Variants in ZNF585B observed in about 807,000 individuals in gnomAD.
The protein encoded by ZNF585B is zinc finger protein 585B.
ZNF585B carries 7 observed loss-of-function variants against 14.0 expected under a neutral mutation model. The ratio of observed to expected loss-of-function variants is 0.50; its 90% CI spans 0.28 to 0.94. The LOEUF is 0.94. Ranked by LOEUF, ZNF585B falls within the 40% of genes least tolerant of loss-of-function variation. ZNF585B has a pLI of 0.09. For synonymous variants in ZNF585B, 290 were observed against 317.3 expected, an observed-to-expected ratio of 0.91 and a Z score of 0.91; for missense variants, 750 against 924.4, an observed-to-expected ratio of 0.81 and a Z score of 2.45.
rs769867216 is a variant in ZNF585B, at chr19:37,186,163, T to C, written c.1374A>G (p.Arg458=). 5.6e-6 allele frequency: 9 copies of C among 1,614,102 alleles called. No homozygotes were observed. Among genetic ancestry groups the C allele is most frequent in the Non-Finnish European group, 7.6e-6 (9 of 1,180,048 alleles). Reference sequence around the variant, plus strand: ...CATAGGGCTTTTCTCCTGTGTGAATTCGTTTATGAACATGGAGTTGTGACT... The same window carrying C: ...CATAGGGCTTTTCTCCTGTGTGAATCCGTTTATGAACATGGAGTTGTGACT... ...TSKSQLHVHK[R]IHTGEKPYVC... is the part of the protein sequence containing the mutation. The change falls in exon 5 of 5, where the codon CGA becomes CGG. Residue 458 remains arginine (R), a synonymous_variant. Coordinates refer to ENST00000532828, the MANE Select transcript of ZNF585B (RefSeq NM_152279.4).
rs758995447 is a variant in ZNF585B at position 37,187,247 on chromosome 19, G to A, written c.293-3C>T. 1 of 1,589,864 alleles carries A rather than the reference G, an allele frequency of 6.3e-7. No homozygotes were observed. The highest frequency in any genetic ancestry group is 8.6e-7 in the Non-Finnish European group (1 of 1,167,190). On this transcript the variant is annotated splice_region_variant and splice_polypyrimidine_tract_variant and intron_variant, in intron 4 of 4. Coordinates refer to ENST00000532828, the MANE Select transcript of ZNF585B (RefSeq NM_152279.4). ...ATTATGGTCCCATAATTTCTCTCCT[G>A]TTGGAGTACATTCACAGTAAGTATA...
intron 2 of ZNF585B, among the ~76,000 whole-genome samples, chr19:37,204,936 C>T (rs1156432066): frequency 1.3e-4 from 20 of 151,958 alleles, no homozygotes; most frequent in African/African-American, 4.3e-4. Flanking sequence ...TTAGTAGAGA[C>T]GGGGCGTCAC....
Position 37,184,448 on chromosome 19 carries a change from GAAAGAAA to G in ZNF585B, c.*772_*778del. On this transcript the variant is annotated 3_prime_UTR_variant, in exon 5 of 5. Coordinates refer to ENST00000532828, the MANE Select transcript of ZNF585B (RefSeq NM_152279.4). Reference sequence around the variant, plus strand: ...AAAGAAAAAGAAAGAAAGAAGGAAAGAAAGAAAGAAAGAAAGAAAGAAAGAAAGAAAG... The same window carrying G: ...AAAGAAAAAGAAAGAAAGAAGGAAAGGAAAGAAAGAAAGAAAGAAAGAAAG... 2.0e-5 allele frequency: 1 copy of G among 50,300 alleles called. No homozygotes were observed. The highest frequency in any genetic ancestry group is 7.4e-5 in the African/African-American group (1 of 13,596). 3.1% of individuals were successfully genotyped at this position (50,300 alleles called of 1,614,324 possible).
At chr19:37,198,692 C>T (rs540670696) in intron 2 of ZNF585B, among the ~76,000 whole-genome samples, 8 of 148,904 alleles carry the variant, frequency 5.4e-5, no homozygotes, top group Non-Finnish European at 8.9e-5. Flanking sequence ...GCCGAGATTG[C>T]GCCATTGCAC....
intron 2 of ZNF585B, 116 bp from the exon 3 acceptor site, chr19:37,190,266 G>A: frequency 7.0e-7 from 1 of 1,422,520 alleles, no homozygotes; most frequent in African/African-American, 1.4e-5. Context: ...TTTTTTTTTT[G>A]AGACAGTCTT....
In ZNF585B at chr19:37,207,228, A is replaced by G; in HGVS notation, c.-117T>C. ...TGGAGTCTGGAGGAAGGTCTGGCCC[A>G]GGGACTCCCCAGAGACACCCAAGAA... On this transcript the variant is annotated 5_prime_UTR_variant, in exon 2 of 5. Transcript: ENST00000532828. 2.0e-6 allele frequency: 3 copies of G among 1,536,102 alleles called. No homozygotes were observed. Among genetic ancestry groups the G allele is most frequent in the Non-Finnish European group, 2.6e-6 (3 of 1,144,638 alleles).
chr19:37,199,797 G>C (rs952749996), intron 2 of ZNF585B, among the ~76,000 whole-genome samples: 9 of 152,060 alleles, frequency 5.9e-5, no homozygotes, highest in Non-Finnish European at 1.5e-5. Flanking sequence ...TGTAATCCCA[G>C]CACTTTGGGA....
chr19:37,189,670 T>C lies in ZNF585B; in HGVS notation c.283A>G (p.Ser95Gly). Residue 95 changes from serine (S) to glycine (G), a missense_variant, in exon 4 of 5, where the codon AGC becomes GGC. By Grantham distance (56) the Ser-to-Gly change is moderately conservative (BLOSUM62 0). Around this residue, in one of 2 missense-constraint regions of ZNF585B, gnomAD observed 517 missense variants for 570.3 expected, o/e 0.91. Transcript: ENST00000532828. ...ACCTCACTTCACTCACCTGGGCAGC[T>C]GTGACGTGGCCTCTCACCCTGCAGT... ...WALQGERPRH[S>G]CPGEKLWDHN... 2.5e-6 allele frequency: 4 copies of C among 1,613,106 alleles called. No individual in the cohort carries two copies. The highest frequency in any genetic ancestry group is 3.4e-6 in the Non-Finnish European group (4 of 1,180,010).
intron 2 of ZNF585B, among the ~76,000 whole-genome samples, chr19:37,191,616 TAA>T (rs765780103): frequency 6.0e-5 from 8 of 133,832 alleles, no homozygotes; most frequent in Admixed American, 7.6e-5. Context: ...AGACTCTGTC[TAA>T]AAAAAAAAAA....
At chr19:37,191,326 T>G (rs1972397525) in intron 2 of ZNF585B, among the ~76,000 whole-genome samples, 1 of 152,042 alleles carries the variant, frequency 6.6e-6, no homozygotes. Flanking sequence ...CAAGCAAGAA[T>G]GTCAGAGGGG....
Position 37,186,356 on chromosome 19 carries a change from T to A in ZNF585B, c.1181A>T (p.Lys394Met). Residue 394 changes from lysine (K) to methionine (M), a missense_variant, in exon 5 of 5, where the codon AAG becomes ATG. Lys to Met is a moderately conservative substitution (Grantham distance 95). This residue lies in a region of ZNF585B where 517 missense variants were observed against 570.3 expected (regional missense o/e 0.91). Transcript: ENST00000532828. ...TCTCTGATGCACTGTGAGTGCTGACTTCTGAGTGAAGGCTCTCCCACAGTC... is the reference window on the plus strand; with the variant it reads ...TCTCTGATGCACTGTGAGTGCTGACATCTGAGTGAAGGCTCTCCCACAGTC... ...CSDCGRAFTQ[K>M]SALTVHQRIH... The A allele has an allele frequency of 2.5e-6, 4 of 1,614,160 alleles. No homozygotes were observed. The highest frequency in any genetic ancestry group is 3.4e-6 in the Non-Finnish European group (4 of 1,180,022).
At position 37,207,158 on chromosome 19, in the gene ZNF585B, A is replaced by C. The variant is rs200244262; in HGVS notation, c.-47T>G. On this transcript the variant is annotated 5_prime_UTR_variant, in exon 2 of 5. Transcript: ENST00000532828. ...TTTTTGTCTAGGGTGCCTGAAGTTTAGTGGTCATCTGTGAACTCAGCAGAG... is the reference window on the plus strand; with the variant it reads ...TTTTTGTCTAGGGTGCCTGAAGTTTCGTGGTCATCTGTGAACTCAGCAGAG... 8.1e-6 allele frequency: 13 copies of C among 1,612,654 alleles called. No individual in the cohort carries two copies. In the Admixed American group the frequency reaches 2.2e-4, roughly 27 times the overall value.
chr19:37,186,197 A>G lies in ZNF585B; in HGVS notation c.1340T>C (p.Phe447Ser), dbSNP rs1457236781. The change falls in exon 5 of 5, where the codon TTT (phenylalanine) becomes TCT (serine). Residue 447 changes from phenylalanine (F) to serine (S), a missense_variant. Coordinates refer to ENST00000532828, the MANE Select transcript of ZNF585B (RefSeq NM_152279.4). Reference protein sequence around the residue: ...PYKCGHCGKLFTSKSQLHVHK... With the variant: ...PYKCGHCGKLSTSKSQLHVHK... ...AACATGGAGTTGTGACTTGGAAGTA[A>G]ACAATTTCCCACAGTGACCACATTT... The G allele has an allele frequency of 6.2e-7, 1 of 1,614,178 alleles. No individual in the cohort carries two copies. The highest frequency in any genetic ancestry group is 1.7e-5 in the Admixed American group (1 of 60,026).
At chr19:37,189,937 A>G (rs1377175994) in intron 3 of ZNF585B, 87 bp downstream of exon 3, 4 of 1,585,398 alleles carry the variant, frequency 2.5e-6, no homozygotes, top group South Asian at 2.3e-5. Context: ...ACCATCACCT[A>G]TCTAAGATGC....
rs1333415476 is a variant in ZNF585B at position 37,184,462 on chromosome 19, A to AAG, written c.*763_*764dup. The AAG allele has an allele frequency of 8.7e-6, 1 of 114,610 alleles. No homozygotes were observed. Among genetic ancestry groups the AAG allele is most frequent in the Admixed American group, 9.3e-5 (1 of 10,702 alleles). The allele number at this position is 114,610 out of a possible 1,614,324, so 7.1% of individuals were successfully genotyped here. A position where few individuals can be genotyped will look rare whatever the true frequency, so the allele number is the denominator to read the frequency against. Reference sequence around the variant, plus strand: ...AAAGAAGGAAAGAAAGAAAGAAAGAAAGAAAGAAAGAAAGAAAGAAAGAAA... The same window carrying AAG: ...AAAGAAGGAAAGAAAGAAAGAAAGAAAGAGAAAGAAAGAAAGAAAGAAAGAAA... On this transcript the variant is annotated 3_prime_UTR_variant, in exon 5 of 5. Coordinates refer to ENST00000532828, the MANE Select transcript of ZNF585B (RefSeq NM_152279.4).
At chr19:37,198,125 T>TA (rs1972489552) in intron 2 of ZNF585B, among the ~76,000 whole-genome samples, 1 of 152,110 alleles carries the variant, frequency 6.6e-6, no homozygotes, top group Non-Finnish European at 1.5e-5. Flanking sequence ...GAGCTTATGA[T>TA]TAATTGTGAT....
chr19:37,199,499 T>G (rs771169431), intron 2 of ZNF585B: 33 of 452,414 alleles, frequency 7.3e-5, no homozygotes, highest in South Asian at 5.0e-4. Context: ...CACTCCAGCC[T>G]GAGGATAGAG....
rs1284919206 is a variant in ZNF585B, at chr19:37,184,380, G to GAA, written c.*845_*846dup. The GAA allele has an allele frequency of 5.5e-5, 3 of 54,318 alleles. No homozygotes were observed. The highest frequency in any genetic ancestry group is 4.1e-4 in the East Asian group (1 of 2,414). The allele number at this position is 54,318 out of a possible 1,614,324, so 3.4% of individuals were successfully genotyped here. On this transcript the variant is annotated 3_prime_UTR_variant, in exon 5 of 5. Coordinates refer to ENST00000532828, the MANE Select transcript of ZNF585B (RefSeq NM_152279.4). ...AAAAAGAAAGAAAGAAAGAAAGAAAGAAAGAAAGAAAGAAAGAAAGAAAGA... is the reference window on the plus strand; with the variant it reads ...AAAAAGAAAGAAAGAAAGAAAGAAAGAAAAAGAAAGAAAGAAAGAAAGAAAGA...
chr19:37,203,479 CAA>C (rs35565550), intron 2 of ZNF585B, among the ~76,000 whole-genome samples: 5 of 114,860 alleles, frequency 4.4e-5, no homozygotes, highest in Admixed American at 9.8e-5. Flanking sequence ...GATCTTGTCA[CAA>C]AAAAAAAAAA....
Sources: gnomAD v4.1 joint callset for allele counts (sites outside exome capture counted in the v4.1 genomes callset) on GRCh38, gnomAD v4.1.1 for gene constraint, gnomAD v4.1.1 regional missense constraint, MANE v1.5 for transcripts, NCBI Gene and HGNC (gene_info 2026-07-23, HGNC 2026-07-21) for gene names.